The following TMEM114 variants were observed in gnomAD, a reference collection of about 807,000 sequenced individuals.
TMEM114 encodes the protein claudin-26.
Under a neutral mutation model 6.2 loss-of-function variants are expected in TMEM114, and 6 were observed. The observed-to-expected ratio is 0.97, with a 90% confidence interval of 0.53 to 1.91. The LOEUF (loss-of-function observed/expected upper bound fraction) is 1.91. TMEM114 is among the 40% of genes most tolerant of loss of function. TMEM114 has a pLI of 0.01. For missense variants in TMEM114, 218 were observed against 158.3 expected, an observed-to-expected ratio of 1.38 and a Z score of -2.02; for synonymous variants, 104 against 73.0, an observed-to-expected ratio of 1.42 and a Z score of -2.16.
intron 2 of TMEM114, among the ~76,000 whole-genome samples, chr16:8,561,991 T>C (rs1308476757): frequency 1.6e-5 from 2 of 123,472 alleles, no homozygotes; most frequent in South Asian, 5.4e-4. Context: ...TGAGTGAGTA[T>C]ATGAATGAGT....
chr16:8,529,778 C>G, the TMEM114 span, among the ~76,000 whole-genome samples: 1 of 151,580 alleles, frequency 6.6e-6, no homozygotes, highest in Non-Finnish European at 1.5e-5. Flanking sequence ...CCCAGAAATT[C>G]TGATTTCATT....
the TMEM114 span, among the ~76,000 whole-genome samples, chr16:8,527,177 A>G: frequency 9.1e-4 from 138 of 152,334 alleles, 1 homozygote; most frequent in Admixed American, 1.3e-3. Flanking sequence ...ACTGCACTCC[A>G]TCCAGCCTGG....
chr16:8,552,421 T>C (rs752675593), intron 2 of TMEM114, among the ~76,000 whole-genome samples: 9 of 151,894 alleles, frequency 5.9e-5, no homozygotes, highest in Non-Finnish European at 1.3e-4. Flanking sequence ...GGGTAGCTAC[T>C]TAGAGCTCCT....
intron 2 of TMEM114, among the ~76,000 whole-genome samples, chr16:8,541,968 A>C (rs1900527729): frequency 6.6e-6 from 1 of 152,182 alleles, no homozygotes; most frequent in African/African-American, 2.4e-5. Context: ...GCCCCATATG[A>C]ACTTTACCTC....
rs191206023 is a variant in TMEM114 at position 8,570,716 on chromosome 16, C to T, written c.440-711G>A. 1.7e-3 allele frequency among the ~76,000 whole-genome samples: 258 copies of T among 152,300 alleles called. 1 individual carries two copies. Among genetic ancestry groups the T allele is most frequent in the African/African-American group, 6.0e-3 (248 of 41,570 alleles). On this transcript the variant is annotated intron_variant, in intron 3 of 3. Coordinates refer to ENST00000620492, the MANE Select transcript of TMEM114 (RefSeq NM_001146336.2). The stretch of plus-strand genomic sequence containing the variant: ...GTTTTGCTCATTTTCAATTCCCCAG[C>T]ACCGAGAACGGTGCCTGGCCCACGG...
intron 2 of TMEM114, among the ~76,000 whole-genome samples, chr16:8,561,066 TG>T (rs949963804): frequency 3.3e-4 from 50 of 152,170 alleles, no homozygotes; most frequent in African/African-American, 1.2e-3. Context: ...GAGAACAGTA[TG>T]GGGGAAACTG....
chr16:8,586,700 G>A (rs1344996042), intron 2 of TMEM114, among the ~76,000 whole-genome samples: 3 of 152,030 alleles, frequency 2.0e-5, no homozygotes, highest in Non-Finnish European at 4.4e-5. Context: ...AGTAGAGATG[G>A]GGTTTCACCA....
At chr16:8,530,472 T>A in the TMEM114 span, among the ~76,000 whole-genome samples, 1 of 151,700 alleles carries the variant, frequency 6.6e-6, no homozygotes, top group African/African-American at 2.4e-5. Flanking sequence ...CTGGGAAGCA[T>A]AGGAGCAATA....
At position 8,589,527 on chromosome 16, in the gene TMEM114, G is replaced by A. The variant is rs1596316554; in HGVS notation, c.220+92C>T. On this transcript the variant is annotated intron_variant, in intron 1 of 3. Coordinates refer to ENST00000620492, the MANE Select transcript of TMEM114 (RefSeq NM_001146336.2). Reference sequence around the variant, plus strand: ...ATTGTATTTTAGGGACTTGGGGGAGGAGTGCGCGCCAAGCAACAGGTCCCA... The same window carrying A: ...ATTGTATTTTAGGGACTTGGGGGAGAAGTGCGCGCCAAGCAACAGGTCCCA... 3.8e-5 allele frequency: 15 copies of A among 398,360 alleles called. No homozygotes were observed. The East Asian group carries it at 5.3e-4, about 14-fold the overall frequency. The allele number at this position is 398,360 out of a possible 1,614,324, so 24.7% of individuals were successfully genotyped here.
intron 2 of TMEM114, among the ~76,000 whole-genome samples, chr16:8,584,662 C>T (rs1392401703): frequency 6.6e-6 from 1 of 152,172 alleles, no homozygotes; most frequent in Non-Finnish European, 1.5e-5. Flanking sequence ...ATGGCCCACC[C>T]TGTAATCCCA....
At chr16:8,572,298 C>T (rs549053571) in intron 2 of TMEM114, 74 bp from the exon 3 acceptor site, 26 of 1,515,094 alleles carry the variant, frequency 1.7e-5, no homozygotes, top group Middle Eastern at 1.7e-4. Flanking sequence ...AAACACTTCC[C>T]GAGCACCTAC....
At chr16:8,527,236 TC>T in the TMEM114 span, among the ~76,000 whole-genome samples, 2 of 151,992 alleles carry the variant, frequency 1.3e-5, no homozygotes, top group Non-Finnish European at 2.9e-5. Flanking sequence ...AAATAACTAT[TC>T]CCTCACTGCT....
At chr16:8,539,109 A>T (rs564665446) in intron 2 of TMEM114, among the ~76,000 whole-genome samples, 27 of 152,100 alleles carry the variant, frequency 1.8e-4, no homozygotes, top group African/African-American at 6.5e-4. Context: ...CACTTTTTTC[A>T]GTTTGGGTGT....
chr16:8,539,110 G>C (rs1043186824), intron 2 of TMEM114, among the ~76,000 whole-genome samples: 6 of 152,050 alleles, frequency 3.9e-5, no homozygotes, highest in East Asian at 1.9e-4. Flanking sequence ...ACTTTTTTCA[G>C]TTTGGGTGTT....
intron 2 of TMEM114, among the ~76,000 whole-genome samples, chr16:8,551,910 T>C (rs577117834): frequency 2.4e-4 from 37 of 152,276 alleles, no homozygotes; most frequent in Non-Finnish European, 4.6e-4. Flanking sequence ...TACTCAGCAA[T>C]GAAAAGGAGC....
At chr16:8,528,321 A>T in the TMEM114 span, among the ~76,000 whole-genome samples, 1 of 152,162 alleles carries the variant, frequency 6.6e-6, no homozygotes, top group Non-Finnish European at 1.5e-5. Flanking sequence ...AGGAAGATGC[A>T]TCTCACGTCA....
chr16:8,563,767 GAGTGAGTGAATGAC>G (rs1901388431), intron 2 of TMEM114, among the ~76,000 whole-genome samples: 1 of 149,246 alleles, frequency 6.7e-6, no homozygotes, highest in African/African-American at 2.5e-5. Flanking sequence ...GTGAGGGAAT[GAGTGAGTGAATGAC>G]TGAGTGAGTA....
intron 2 of TMEM114, among the ~76,000 whole-genome samples, chr16:8,578,641 C>T (rs1215944905): frequency 6.6e-6 from 1 of 152,182 alleles, no homozygotes; most frequent in African/African-American, 2.4e-5. Context: ...ACAGTAGGAA[C>T]TCAATAGATG....
At chr16:8,584,177 T>G (rs977317643) in intron 2 of TMEM114, among the ~76,000 whole-genome samples, 2 of 152,070 alleles carry the variant, frequency 1.3e-5, no homozygotes, top group Admixed American at 6.5e-5. Flanking sequence ...AGAAATTGAG[T>G]TTAACAGTGG....
Sources: gnomAD v4.1 joint callset for allele counts (sites outside exome capture counted in the v4.1 genomes callset) on GRCh38, gnomAD v4.1.1 for gene constraint, MANE v1.5 for transcripts, NCBI Gene and HGNC (gene_info 2026-07-23, HGNC 2026-07-21) for gene names.